Variants in STK33 observed in about 807,000 individuals in gnomAD.
STK33 encodes the protein serine/threonine kinase 33.
STK33 carries 52 observed loss-of-function variants against 58.0 expected under a neutral mutation model. The observed-to-expected ratio is 0.90, with a 90% CI of 0.72 to 1.13. The LOEUF is 1.13. Among genes scored for constraint, STK33 ranks in the 50% most tolerant of loss-of-function variants. The pLI is 0.00. For missense variants in STK33, 630 were observed against 604.2 expected, an observed-to-expected ratio of 1.04 and a Z score of -0.45; for synonymous variants, 215 against 200.1, an observed-to-expected ratio of 1.07 and a Z score of -0.63.
chr11:8,487,720 T>C (rs1422434614), intron 1 of STK33, among the ~76,000 whole-genome samples: 3 of 152,084 alleles, frequency 2.0e-5, no homozygotes, highest in Non-Finnish European at 4.4e-5. Flanking sequence ...GACTAAAAAA[T>C]TATATTTAAA....
intron 1 of STK33, among the ~76,000 whole-genome samples, chr11:8,523,148 C>T (rs1210674089): frequency 6.6e-6 from 1 of 152,224 alleles, no homozygotes; most frequent in Non-Finnish European, 1.5e-5. Flanking sequence ...GCTACAACCT[C>T]CACCTCCCAG....
At chr11:8,570,146 A>C (rs2141105854) in intron 1 of STK33, among the ~76,000 whole-genome samples, 1 of 152,316 alleles carries the variant, frequency 6.6e-6, no homozygotes, top group African/African-American at 2.4e-5. Context: ...ATGAGTGTTC[A>C]ATTAATAGAT....
At chr11:8,434,984 C>T (rs768315736) in intron 14 of STK33, among the ~76,000 whole-genome samples, 15 of 152,104 alleles carry the variant, frequency 9.9e-5, no homozygotes, top group East Asian at 3.8e-4. Context: ...TGCAGGGATA[C>T]GAAGATCAGT....
chr11:8,382,491 C>A, the STK33 span, among the ~76,000 whole-genome samples: 1 of 152,210 alleles, frequency 6.6e-6, no homozygotes, highest in Non-Finnish European at 1.5e-5. Flanking sequence ...GTCTTCCCTG[C>A]AAAAGACTCA....
chr11:8,394,152 T>C (rs1848958519), intron 15 of STK33, among the ~76,000 whole-genome samples: 1 of 152,186 alleles, frequency 6.6e-6, no homozygotes, highest in Non-Finnish European at 1.5e-5. Flanking sequence ...AGAAAATATT[T>C]AAAATTCTTT....
chr11:8,451,142 G>A (rs980750284), intron 11 of STK33, among the ~76,000 whole-genome samples: 11 of 152,122 alleles, frequency 7.2e-5, no homozygotes, highest in Non-Finnish European at 1.6e-4. Flanking sequence ...GGAAGGTAAC[G>A]ATCATTTTGT....
intron 1 of STK33, among the ~76,000 whole-genome samples, chr11:8,497,945 A>G (rs2138995067): frequency 6.6e-6 from 1 of 152,316 alleles, no homozygotes; most frequent in South Asian, 2.1e-4. Context: ...CCTTATGAGT[A>G]TAAATGCAAA....
chr11:8,425,190 A>ATATG (rs1280355461), intron 14 of STK33, among the ~76,000 whole-genome samples: 7 of 152,136 alleles, frequency 4.6e-5, no homozygotes, highest in Non-Finnish European at 7.4e-5. Flanking sequence ...ATCCAGTTTC[A>ATATG]GCTTTCTACA....
chr11:8,497,368 T>C lies in STK33; in HGVS notation c.-465-16754A>G, dbSNP rs1271509890. Among the ~76,000 whole-genome samples the C allele has an allele frequency of 2.6e-5, 4 of 152,306 alleles. No individual in the cohort carries two copies. The East Asian group carries it at 7.7e-4, about 29-fold the overall frequency. On this transcript the variant is annotated intron_variant, in intron 1 of 15. Coordinates refer to ENST00000687296, the MANE Select transcript of STK33 (RefSeq NM_001352389.2). ...AAAGCAGTGAGAGAGAAGCAACTTATCACATACAAAGGATCCTCAATATCC... is the reference window on the plus strand; with the variant it reads ...AAAGCAGTGAGAGAGAAGCAACTTACCACATACAAAGGATCCTCAATATCC...
intron 7 of STK33, 69 bp from the exon 8 acceptor site, chr11:8,461,978 AT>A: frequency 8.0e-7 from 1 of 1,245,396 alleles, no homozygotes; most frequent in Non-Finnish European, 1.1e-6. Flanking sequence ...TAGAAAAGTT[AT>A]TTTATGTTTT....
At chr11:8,336,278 C>A in the STK33 span, among the ~76,000 whole-genome samples, 1 of 152,260 alleles carries the variant, frequency 6.6e-6, no homozygotes, top group Non-Finnish European at 1.5e-5. Flanking sequence ...CCGTGCCAGG[C>A]ACCAGGCTGT....
chr11:8,413,503 C>A lies in STK33; in HGVS notation c.1336G>T (p.Glu446Ter), dbSNP rs768279440. 2.4e-5 allele frequency: 39 copies of A among 1,613,630 alleles called. No individual in the cohort carries two copies. In the East Asian group the frequency reaches 7.8e-4, roughly 32 times the overall value. The change falls in exon 15 of 16, where the codon GAA becomes TAA. Residue 446 changes from glutamate (E) to a stop codon, truncating the protein, a stop_gained. Transcript: ENST00000687296. LOFTEE classifies it low-confidence loss of function (END_TRUNC). ...DANYTSDEEE[E>*]KQSTAYEKQF... ...GCAATGATTCTTCCTACCTGTTTTTCCTCCTCTTCATCTGAAGTGTAATTG... is the reference window on the plus strand; with the variant it reads ...GCAATGATTCTTCCTACCTGTTTTTACTCCTCTTCATCTGAAGTGTAATTG...
intron 1 of STK33, among the ~76,000 whole-genome samples, chr11:8,504,440 T>C (rs73405938): frequency 0.23 from 35,390 of 151,980 alleles, 4,411 homozygotes; most frequent in Middle Eastern, 0.31. Context: ...CAAGAGCCAA[T>C]TGTTAAATTT....
chr11:8,562,737 T>C (rs766091121), intron 1 of STK33, among the ~76,000 whole-genome samples: 3 of 152,188 alleles, frequency 2.0e-5, no homozygotes, highest in Admixed American at 6.5e-5. Flanking sequence ...ATAGTTACTA[T>C]TACAATTCTA....
intron 11 of STK33, among the ~76,000 whole-genome samples, chr11:8,444,778 A>C (rs1945208681): frequency 6.6e-6 from 1 of 152,196 alleles, no homozygotes; most frequent in Admixed American, 6.5e-5. Flanking sequence ...AAATTGAAAA[A>C]ATAATAGAAA....
intron 14 of STK33, among the ~76,000 whole-genome samples, chr11:8,429,698 C>A (rs1943186398): frequency 6.6e-6 from 1 of 152,100 alleles, no homozygotes; most frequent in East Asian, 1.9e-4. Flanking sequence ...GCAAACAATG[C>A]ATCCACCAAC....
the STK33 span, among the ~76,000 whole-genome samples, chr11:8,363,010 T>C: frequency 6.6e-6 from 1 of 151,852 alleles, no homozygotes; most frequent in Non-Finnish European, 1.5e-5. Context: ...GGAGTGAGCC[T>C]GGGGAGGGTT....
intron 1 of STK33, among the ~76,000 whole-genome samples, chr11:8,546,660 C>T (rs10840070): frequency 0.4 from 59,315 of 146,926 alleles, 11,707 homozygotes; most frequent in South Asian, 0.5. Context: ...TTAACTTGTT[C>T]ATCCCCCACA....
chr11:8,510,176 G>A (rs1054926800), intron 1 of STK33, among the ~76,000 whole-genome samples: 2 of 152,012 alleles, frequency 1.3e-5, no homozygotes, highest in African/African-American at 4.8e-5. Flanking sequence ...ATTATTTTTT[G>A]GCTTTTTAAT....
Sources: gnomAD v4.1 joint callset for allele counts (sites outside exome capture counted in the v4.1 genomes callset) on GRCh38, gnomAD v4.1.1 for gene constraint, MANE v1.5 for transcripts, NCBI Gene and HGNC (gene_info 2026-07-23, HGNC 2026-07-21) for gene names.